ASAP2: variants seen among roughly 807,000 people sequenced by gnomAD.
The protein encoded by ASAP2 is arf-GAP with SH3 domain, ANK repeat and PH domain-containing protein 2.
Under a neutral mutation model 131.4 loss-of-function variants are expected in ASAP2, and 45 were observed. The ratio of observed to expected loss-of-function variants is 0.34; its 90% CI spans 0.27 to 0.44. The LOEUF is 0.44. Among genes scored for constraint, ASAP2 ranks in the 20% least tolerant of loss-of-function variants. The pLI, the probability that ASAP2 is intolerant of heterozygous loss-of-function variation, is 1.00. For synonymous variants in ASAP2, 510 were observed against 503.0 expected (o/e 1.01, Z -0.19); for missense variants, 1,011 against 1,297.0 (o/e 0.78, Z 3.39).
intron 1 of ASAP2, among the ~76,000 whole-genome samples, chr2:9,214,373 G>A (rs970900446): frequency 1.3e-5 from 2 of 152,120 alleles, no homozygotes; most frequent in African/African-American, 4.8e-5. Flanking sequence ...CTGAGCAGCT[G>A]GGATTACAGG....
At chr2:9,378,801 A>G (rs1240804973) in intron 18 of ASAP2, 143 bp from the exon 19 acceptor site, 1 of 485,912 alleles carries the variant, frequency 2.1e-6, no homozygotes, top group Non-Finnish European at 3.5e-6. Context: ...AGGTCCCACC[A>G]CCTTGGCGAT....
intron 1 of ASAP2, among the ~76,000 whole-genome samples, chr2:9,256,181 A>AAG (rs34500955): frequency 1.4e-5 from 2 of 142,626 alleles, no homozygotes; most frequent in South Asian, 4.3e-4. Flanking sequence ...AAAAAAAAAA[A>AAG]GAAAGCAAGT....
At chr2:9,341,864 C>T (rs1671602719) in intron 9 of ASAP2, among the ~76,000 whole-genome samples, 1 of 152,148 alleles carries the variant, frequency 6.6e-6, no homozygotes, top group Non-Finnish European at 1.5e-5. Flanking sequence ...TCCAGAGGCT[C>T]AAGTGCTGTG....
intron 9 of ASAP2, among the ~76,000 whole-genome samples, chr2:9,336,930 C>T (rs966744341): frequency 2.6e-5 from 4 of 152,220 alleles, no homozygotes; most frequent in Admixed American, 2.6e-4. Flanking sequence ...TAAGGCAGAG[C>T]AGCTGCTGGG....
chr2:9,210,324 C>G lies in ASAP2; in HGVS notation c.126+3094C>G, dbSNP rs545439171. On this transcript the variant is annotated intron_variant, in intron 1 of 27. Transcript: ENST00000281419. ...TTCTTATTTTCCTCAGCTTTAAAGTCTGGTTAATAATACCTATCAACTTCA... is the reference window on the plus strand; with the variant it reads ...TTCTTATTTTCCTCAGCTTTAAAGTGTGGTTAATAATACCTATCAACTTCA... Among the ~76,000 whole-genome samples the G allele has an allele frequency of 5.9e-5, 9 of 152,324 alleles. No individual in the cohort carries two copies. In the East Asian group the frequency reaches 1.7e-3, roughly 29 times the overall value.
chr2:9,275,284 G>A (rs1305952692), intron 1 of ASAP2, among the ~76,000 whole-genome samples: 1 of 152,002 alleles, frequency 6.6e-6, no homozygotes, highest in Non-Finnish European at 1.5e-5. Flanking sequence ...TGGCCAGGCT[G>A]GTCTCAAGCT....
chr2:9,264,502 T>C (rs1665806984), intron 1 of ASAP2, among the ~76,000 whole-genome samples: 1 of 152,214 alleles, frequency 6.6e-6, no homozygotes, highest in Non-Finnish European at 1.5e-5. Context: ...AGACAGTGAT[T>C]CAGCCCAGCA....
intron 11 of ASAP2, among the ~76,000 whole-genome samples, chr2:9,347,521 A>G (rs1049692455): frequency 1.3e-5 from 2 of 152,222 alleles, no homozygotes; most frequent in Non-Finnish European, 1.5e-5. Flanking sequence ...TCTTTAAGAA[A>G]TGGAAGCACA....
chr2:9,404,732 G>A lies in ASAP2; in HGVS notation c.*1405G>A, dbSNP rs1418896139. ...GCTTGTCTTTATTATGCAAGACTGT[G>A]TAGAGTTTTTTTTTTTTTTGGCATT... On this transcript the variant is annotated 3_prime_UTR_variant, in exon 28 of 28. Coordinates refer to ENST00000281419, the MANE Select transcript of ASAP2 (RefSeq NM_003887.3). 7.1e-6 allele frequency: 1 copy of A among 141,382 alleles called. No homozygotes were observed. Among genetic ancestry groups the A allele is most frequent in the East Asian group, 1.9e-4 (1 of 5,148 alleles). 8.8% of individuals were successfully genotyped at this position (141,382 alleles called of 1,614,324 possible). A position where few individuals can be genotyped will look rare whatever the true frequency, so the allele number is the denominator to read the frequency against.
At chr2:9,271,070 G>A (rs1666354334) in intron 1 of ASAP2, among the ~76,000 whole-genome samples, 1 of 151,718 alleles carries the variant, frequency 6.6e-6, no homozygotes, top group African/African-American at 2.4e-5. Context: ...TGGGATTACA[G>A]GCGTGAGCCA....
chr2:9,309,927 A>G (rs1044110505), intron 3 of ASAP2, among the ~76,000 whole-genome samples: 1 of 152,242 alleles, frequency 6.6e-6, no homozygotes, highest in Non-Finnish European at 1.5e-5. Flanking sequence ...CCGCTCTTCA[A>G]TGCCTGCCTC....
intron 3 of ASAP2, among the ~76,000 whole-genome samples, chr2:9,307,164 C>T (rs1343683348): frequency 6.6e-6 from 1 of 152,216 alleles, no homozygotes; most frequent in Non-Finnish European, 1.5e-5. Flanking sequence ...GCATCGCCTG[C>T]GTGGCTTGTT....
At chr2:9,260,277 A>G (rs1665486057) in intron 1 of ASAP2, among the ~76,000 whole-genome samples, 1 of 152,240 alleles carries the variant, frequency 6.6e-6, no homozygotes, top group Non-Finnish European at 1.5e-5. Flanking sequence ...TGACTCCCGC[A>G]GTAAGCCTGG....
chr2:9,257,195 C>T (rs994404315), intron 1 of ASAP2, among the ~76,000 whole-genome samples: 2 of 152,140 alleles, frequency 1.3e-5, no homozygotes, highest in African/African-American at 2.4e-5. Flanking sequence ...TCAGAAGGTG[C>T]GGGCCCCCAT....
intron 7 of ASAP2, among the ~76,000 whole-genome samples, chr2:9,328,590 A>G (rs1383840807): frequency 6.6e-6 from 1 of 152,252 alleles, no homozygotes; most frequent in East Asian, 1.9e-4. Context: ...AGATGTTAGT[A>G]GAGGAGAAGG....
intron 1 of ASAP2, among the ~76,000 whole-genome samples, chr2:9,222,901 TCTC>T (rs1011311519): frequency 6.6e-6 from 1 of 152,104 alleles, no homozygotes; most frequent in Non-Finnish European, 1.5e-5. Flanking sequence ...AGCTTAAAAT[TCTC>T]CTCTCCTCCT....
rs368018172 is a variant in ASAP2 at position 9,335,108 on chromosome 2, G to T, written c.778G>T (p.Asp260Tyr). 10 of 1,613,952 alleles carry T rather than the reference G, an allele frequency of 6.2e-6. No homozygotes were observed. The highest frequency in any genetic ancestry group is 1.3e-5 in the African/African-American group (1 of 74,870). Residue 260 changes from aspartate (D) to tyrosine (Y), a missense_variant, in exon 9 of 28, where the codon GAT becomes TAT. Transcript: ENST00000281419. Reference protein sequence around the residue: ...TDLHTIKQAQDEERRQLIQLR... With the variant: ...TDLHTIKQAQYEERRQLIQLR... ...GTTTTTAAAGATCAAACAGGCCCAG[G>T]ATGAAGAAAGAAGGCAGTTGATACA...
intron 11 of ASAP2, among the ~76,000 whole-genome samples, chr2:9,345,345 T>G (rs992051220): frequency 1.6e-4 from 25 of 152,150 alleles, no homozygotes; most frequent in Non-Finnish European, 3.4e-4. Flanking sequence ...TCATCCTGTT[T>G]ATCAGAGTCT....
intron 1 of ASAP2, among the ~76,000 whole-genome samples, chr2:9,276,204 A>G (rs1487425540): frequency 6.6e-6 from 1 of 152,230 alleles, no homozygotes; most frequent in Non-Finnish European, 1.5e-5. Context: ...TGAAATGCTA[A>G]GCACAGGGCA....
Sources: gnomAD v4.1 joint callset for allele counts (sites outside exome capture counted in the v4.1 genomes callset) on GRCh38, gnomAD v4.1.1 for gene constraint, MANE v1.5 for transcripts, NCBI Gene and HGNC (gene_info 2026-07-23, HGNC 2026-07-21) for gene names.